The following ZNF554 variants were observed in gnomAD, a reference collection of about 807,000 sequenced individuals.
ZNF554 encodes zinc finger protein 554.
In ZNF554, 15 loss-of-function variants were observed where a neutral mutation model predicts 21.2. The observed-to-expected ratio is 0.71, with a 90% CI of 0.47 to 1.09. The LOEUF (loss-of-function observed/expected upper bound fraction) is 1.09. Among genes scored for constraint, ZNF554 ranks in the 50% least tolerant of loss-of-function variants. The pLI is 0.00. For synonymous variants in ZNF554, 258 were observed against 251.4 expected, an observed-to-expected ratio of 1.03 and a Z score of -0.25; for missense variants, 691 against 662.7, an observed-to-expected ratio of 1.04 and a Z score of -0.47.
chr19:2,829,361 A>C (rs992383897), intron 3 of ZNF554, among the ~76,000 whole-genome samples: 5 of 152,028 alleles, frequency 3.3e-5, no homozygotes, highest in Middle Eastern at 6.3e-3. Context: ...TCTGTCTCAA[A>C]AAATATATAT....
At position 2,833,929 on chromosome 19, in the gene ZNF554, C is replaced by G. The variant is rs756138358; in HGVS notation, c.694C>G (p.Leu232Val). The G allele has an allele frequency of 3.7e-6, 6 of 1,614,064 alleles. No homozygotes were observed. The highest frequency in any genetic ancestry group is 3.3e-5 in the South Asian group (3 of 91,084). ...GGAAAATGGTAATCTGAGCCCAGCC[C>G]TTGTTTTATCACAGGGAAGCTCTAA... ...FGENGNLSPA[L>V]VLSQGSSKGN... Residue 232 changes from leucine to valine, a missense_variant, in exon 5 of 5, where the codon CTT (leucine) becomes GTT (valine). Transcript: ENST00000317243.
At chr19:2,824,004 C>T (rs1039881680) in intron 2 of ZNF554, among the ~76,000 whole-genome samples, 3 of 152,136 alleles carry the variant, frequency 2.0e-5, no homozygotes, top group African/African-American at 7.2e-5. Flanking sequence ...ATTAATCTGC[C>T]TCCTGCTGCC....
intron 2 of ZNF554, among the ~76,000 whole-genome samples, chr19:2,826,664 CT>C (rs57117616): frequency 0.021 from 2,943 of 140,776 alleles, 65 homozygotes; most frequent in African/African-American, 0.061. Flanking sequence ...GCAGATTCCT[CT>C]TTTTTTTTTT....
rs778087983 is a variant in ZNF554 at position 2,821,909 on chromosome 19, C to T, written c.54-1131C>T. 1.3e-5 allele frequency among the ~76,000 whole-genome samples: 2 copies of T among 152,036 alleles called. No individual in the cohort carries two copies. Among genetic ancestry groups the T allele is most frequent in the South Asian group, 2.1e-4 (1 of 4,828 alleles). On this transcript the variant is annotated intron_variant, in intron 1 of 4. Transcript: ENST00000317243. The surrounding 1 kb of genome is among the most constrained non-coding windows in gnomAD (Gnocchi z 8.2). ...CGAACTCCTGACCTCGTGGTCTGCC[C>T]GCCTTGGCCTTTCAAAATGCTGGGA...
At chr19:2,828,985 C>T (rs750294305) in intron 3 of ZNF554, among the ~76,000 whole-genome samples, 1 of 152,000 alleles carries the variant, frequency 6.6e-6, no homozygotes, top group African/African-American at 2.4e-5. Context: ...CGGGAGACAG[C>T]TCAACCATAT....
chr19:2,836,289 T>TGCTGGGATTACGGGCGCGAGCCACC lies in ZNF554; in HGVS notation c.*1438_*1439insCTGGGATTACGGGCGCGAGCCACCG, dbSNP rs2087496399. On this transcript the variant is annotated 3_prime_UTR_variant, in exon 5 of 5. Coordinates refer to ENST00000317243, the MANE Select transcript of ZNF554 (RefSeq NM_001102651.2). ...TGCTGGGATTACGGGCGCGAGCCAC[T>TGCTGGGATTACGGGCGCGAGCCACC]GTGCTGGGATTACAGGTGTGAGCCA... is the stretch of plus-strand genomic sequence containing the variant. 6.6e-6 allele frequency among the ~76,000 whole-genome samples: 1 copy of TGCTGGGATTACGGGCGCGAGCCACC among 150,776 alleles called. No individual in the cohort carries two copies. The highest frequency in any genetic ancestry group is 1.5e-5 in the Non-Finnish European group (1 of 67,558).
chr19:2,826,020 C>G (rs2087326943), intron 2 of ZNF554, among the ~76,000 whole-genome samples: 1 of 151,934 alleles, frequency 6.6e-6, no homozygotes, highest in Non-Finnish European at 1.5e-5. Flanking sequence ...CCTGCCTCAG[C>G]CTCCCGAGTA....
intron 2 of ZNF554, 112 bp downstream of exon 2, chr19:2,823,224 A>T (rs2087286141): frequency 9.2e-7 from 1 of 1,083,234 alleles, no homozygotes; most frequent in Non-Finnish European, 1.3e-6. Flanking sequence ...AGTTCAGGAG[A>T]ATTCCCCAGG....
chr19:2,829,066 T>TA (rs2087376879), intron 3 of ZNF554, among the ~76,000 whole-genome samples: 1 of 151,794 alleles, frequency 6.6e-6, no homozygotes, highest in African/African-American at 2.4e-5. Flanking sequence ...TTTACTGTGA[T>TA]AAAAAATGTA....
chr19:2,829,230 A>C (rs887559864), intron 3 of ZNF554, among the ~76,000 whole-genome samples: 1 of 152,062 alleles, frequency 6.6e-6, no homozygotes, highest in Non-Finnish European at 1.5e-5. Context: ...ATGGTGATAG[A>C]CGTCTGTAAT....
intron 3 of ZNF554, among the ~76,000 whole-genome samples, chr19:2,829,050 AAT>A (rs1040328955): frequency 6.6e-6 from 1 of 151,998 alleles, no homozygotes; most frequent in Non-Finnish European, 1.5e-5. Flanking sequence ...TAAAAAAAAA[AAT>A]GTTTTTACTG....
rs1023323675 is a variant in ZNF554 at position 2,822,280 on chromosome 19, G to T, written c.54-760G>T. ...TGGCCAGGCTGGTCTTGAACCCCTG[G>T]GCTCAAGTGATCCTCGCGCCTCAGC... On this transcript the variant is annotated intron_variant, in intron 1 of 4. Transcript: ENST00000317243. Among the ~76,000 whole-genome samples the T allele has an allele frequency of 3.3e-5, 5 of 152,030 alleles. No homozygotes were observed. The East Asian group carries it at 7.8e-4, about 24-fold the overall frequency.
intron 3 of ZNF554, among the ~76,000 whole-genome samples, chr19:2,829,998 C>T (rs1156711345): frequency 6.6e-6 from 1 of 151,124 alleles, no homozygotes; most frequent in Non-Finnish European, 1.5e-5. Context: ...GATCTTGGCT[C>T]ACTGCAAGCT....
At position 2,820,129 on chromosome 19, in the gene ZNF554, G is replaced by A. The variant is rs902110264; in HGVS notation, c.53+5G>A. ...GCGGCTCCCGGCAGCTCAGCCGTAA[G>A]TGCCGCCGCCTCCCGCGCCGCGACC... On this transcript the variant is annotated splice_donor_5th_base_variant and intron_variant, in intron 1 of 4. Transcript: ENST00000317243. The A allele has an allele frequency of 4.9e-5, 60 of 1,220,230 alleles. No individual in the cohort carries two copies. The highest frequency in any genetic ancestry group is 5.9e-5 in the Non-Finnish European group (58 of 980,716). 75.6% of individuals were successfully genotyped at this position (1,220,230 alleles called of 1,614,324 possible).
intron 1 of ZNF554, 110 bp downstream of exon 1, chr19:2,820,234 G>T: frequency 9.9e-7 from 1 of 1,014,092 alleles, no homozygotes; most frequent in Non-Finnish European, 1.3e-6. Context: ...TGTCGCGATA[G>T]GGTCCCCACG....
intron 3 of ZNF554, among the ~76,000 whole-genome samples, chr19:2,828,075 CT>C (rs751151842): frequency 9.1e-4 from 139 of 152,300 alleles, no homozygotes; most frequent in Non-Finnish European, 1.0e-3. Context: ...TTATCTCCCC[CT>C]GGCTCCACCC....
At chr19:2,833,623 G>C in intron 4 of ZNF554, 58 bp from the exon 5 acceptor site, 4 of 1,448,084 alleles carry the variant, frequency 2.8e-6, no homozygotes, top group Non-Finnish European at 1.9e-6. Context: ...TGTCCCGCTG[G>C]TTTTCAAGTA....
intron 3 of ZNF554, among the ~76,000 whole-genome samples, chr19:2,829,260 G>A (rs753975072): frequency 1.3e-5 from 2 of 152,190 alleles, no homozygotes; most frequent in Non-Finnish European, 2.9e-5. Flanking sequence ...TTGGGAGGTC[G>A]AGGCATGAGA....
In ZNF554 at chr19:2,825,000, G is replaced by GTTTTTTTTTTTTTT. The variant is rs1568332468; in HGVS notation, c.126+1890_126+1891insTTTTTTTTTTTTTT. On this transcript the variant is annotated intron_variant, in intron 2 of 4. Transcript: ENST00000317243. ...TCTCACTGAGCATAACGTGATTGCA[G>GTTTTTTTTTTTTTT]TTGTTTTTTTTTTTTTTTTTTTTTT... Among the ~76,000 whole-genome samples the GTTTTTTTTTTTTTT allele has an allele frequency of 1.7e-5, 2 of 114,914 alleles. 1 individual carries two copies. The allele number at this position is 114,914 out of a possible 152,430, so 75.4% of individuals were successfully genotyped here.
Sources: allele counts gnomAD v4.1 joint callset (sites outside exome capture counted in the v4.1 genomes callset), GRCh38; gene constraint gnomAD v4.1.1; non-coding constraint Gnocchi (gnomAD v3.1); transcripts MANE v1.5; gene names NCBI Gene and HGNC (gene_info 2026-07-23, HGNC 2026-07-21).